Variants in XCR1 observed in about 807,000 individuals in gnomAD.
XCR1 encodes the protein X-C motif chemokine receptor 1.
For synonymous variants in XCR1, 187 were observed against 188.5 expected, an observed-to-expected ratio of 0.99 and a Z score of 0.06; for missense variants, 356 against 424.2, an observed-to-expected ratio of 0.84 and a Z score of 1.41.
chr3:46,050,306 A>G (rs1382331406), intron 5 of XCR1, among the ~76,000 whole-genome samples: 1 of 152,236 alleles, frequency 6.6e-6, no homozygotes, highest in African/African-American at 2.4e-5. Flanking sequence ...GGTAGCAGCA[A>G]TACTTAACAT....
chr3:46,048,549 C>T (rs1241976128), intron 5 of XCR1, among the ~76,000 whole-genome samples: 1 of 152,046 alleles, frequency 6.6e-6, no homozygotes, highest in Non-Finnish European at 1.5e-5. Flanking sequence ...CCATGGTTGG[C>T]CACCCTGGGT....
intron 5 of XCR1, among the ~76,000 whole-genome samples, chr3:46,051,430 A>T (rs924310094): frequency 2.6e-5 from 4 of 152,208 alleles, no homozygotes; most frequent in Non-Finnish European, 4.4e-5. Context: ...TCTTGCTCCC[A>T]CTAAGGACGT....
At chr3:46,045,361 A>G (rs1697606216) in intron 5 of XCR1, among the ~76,000 whole-genome samples, 1 of 152,090 alleles carries the variant, frequency 6.6e-6, no homozygotes, top group African/African-American at 2.4e-5. Flanking sequence ...GTGAGCCGAG[A>G]TCGCGCCAGA....
At chr3:46,040,788 T>A (rs1027965366) in intron 5 of XCR1, among the ~76,000 whole-genome samples, 58 of 151,940 alleles carry the variant, frequency 3.8e-4, no homozygotes, top group Non-Finnish European at 8.8e-5. Context: ...GAAGAGTTCA[T>A]GAAAAGGACT....
chr3:46,054,764 G>T (rs1697821902), intron 4 of XCR1, among the ~76,000 whole-genome samples: 1 of 152,122 alleles, frequency 6.6e-6, no homozygotes, highest in Non-Finnish European at 1.5e-5. Context: ...GGAAAGAAAT[G>T]TAACAATGTG....
chr3:46,050,089 G>A (rs190778536), intron 5 of XCR1, among the ~76,000 whole-genome samples: 2 of 152,340 alleles, frequency 1.3e-5, no homozygotes, highest in Admixed American at 1.3e-4. Context: ...ACTTGTCTAT[G>A]AACTGGCCCA....
rs1000118251 is a variant in XCR1, at chr3:46,017,731, T to G, written c.*3215A>C. 1.3e-5 allele frequency: 2 copies of G among 152,266 alleles called. No individual in the cohort carries two copies. The highest frequency in any genetic ancestry group is 2.9e-5 in the Non-Finnish European group (2 of 68,096). 9.4% of individuals were successfully genotyped at this position (152,266 alleles called of 1,614,324 possible). On this transcript the variant is annotated 3_prime_UTR_variant, in exon 2 of 2. Transcript: ENST00000309285. ...CTTCTGGATTCTGTCTGAGGGAAACTGGAGGTGTAAATGCTGTAGAACCAC... is the reference window on the plus strand; with the variant it reads ...CTTCTGGATTCTGTCTGAGGGAAACGGGAGGTGTAAATGCTGTAGAACCAC...
intron 4 of XCR1, among the ~76,000 whole-genome samples, chr3:46,059,035 C>T (rs760039754): frequency 1.3e-5 from 2 of 152,184 alleles, no homozygotes; most frequent in African/African-American, 2.4e-5. Context: ...GTCTGACCCA[C>T]TAAATCCTAA....
rs1288168401 is a variant in XCR1, at chr3:46,019,293, T to C, written c.*1653A>G. On this transcript the variant is annotated 3_prime_UTR_variant, in exon 2 of 2. Transcript: ENST00000309285. The stretch of plus-strand genomic sequence containing the variant: ...CATGGCTCCCCAAGAAGCATAAATC[T>C]GAAGGATAATAACAGCTGTTGATTC... The C allele has an allele frequency of 6.6e-6, 1 of 152,208 alleles. No homozygotes were observed. Among genetic ancestry groups the C allele is most frequent in the Non-Finnish European group, 1.5e-5 (1 of 68,050 alleles). The allele number at this position is 152,208 out of a possible 1,614,324, so 9.4% of individuals were successfully genotyped here. A position where few individuals can be genotyped will look rare whatever the true frequency, so the allele number is the denominator to read the frequency against.
At chr3:46,032,198 A>G (rs1167525353), upstream of XCR1, among the ~76,000 whole-genome samples, 1 of 152,220 alleles carries the variant, frequency 6.6e-6, no homozygotes, top group Non-Finnish European at 1.5e-5. Context: ...CGAAGAGGAG[A>G]GAAAAGCTGT....
chr3:46,049,484 T>C (rs1697699350), intron 5 of XCR1, among the ~76,000 whole-genome samples: 1 of 152,214 alleles, frequency 6.6e-6, no homozygotes, highest in African/African-American at 2.4e-5. Context: ...AGCGAATAAC[T>C]TGTTGAAGTC....
chr3:46,075,094 C>G (rs1176066768), intron 2 of XCR1, among the ~76,000 whole-genome samples: 3 of 151,904 alleles, frequency 2.0e-5, no homozygotes, highest in Non-Finnish European at 4.4e-5. Context: ...AAGAATCACT[C>G]TACCCAATTT....
At chr3:46,022,273 C>G in intron 1 of XCR1, 1 of 228,702 alleles carries the variant, frequency 4.4e-6, no homozygotes, top group Non-Finnish European at 8.5e-6. Context: ...CCACTGCACT[C>G]CAACCTAGGT....
At chr3:46,040,127 C>A (rs56071453) in intron 5 of XCR1, among the ~76,000 whole-genome samples, 15,436 of 151,976 alleles carry the variant, frequency 0.1, 2,650 homozygotes, top group African/African-American at 0.35. Flanking sequence ...TGAGTAAAAC[C>A]ACAGAAGAAC....
At chr3:46,040,275 G>A (rs1169561073) in intron 5 of XCR1, among the ~76,000 whole-genome samples, 1 of 152,050 alleles carries the variant, frequency 6.6e-6, no homozygotes, top group Admixed American at 6.6e-5. Flanking sequence ...TTATTTTATA[G>A]TAATTTGTGA....
intron 1 of XCR1, among the ~76,000 whole-genome samples, chr3:46,079,570 T>G (rs997396562): frequency 2.0e-5 from 3 of 152,174 alleles, no homozygotes; most frequent in African/African-American, 7.2e-5. Context: ...TCCCCTGTCC[T>G]GCCCTTCCTT....
chr3:46,083,129 T>C (rs1193554816), intron 1 of XCR1, among the ~76,000 whole-genome samples: 1 of 152,204 alleles, frequency 6.6e-6, no homozygotes, highest in Non-Finnish European at 1.5e-5. Flanking sequence ...TACTCACTAA[T>C]GACAGTACTA....
intron 5 of XCR1, among the ~76,000 whole-genome samples, chr3:46,034,156 T>C (rs1214236729): frequency 6.6e-6 from 1 of 152,028 alleles, no homozygotes; most frequent in African/African-American, 2.4e-5. Flanking sequence ...GTATTTTTAG[T>C]AGACGGGGTT....
chr3:46,024,952 GA>G (rs1223623553), intron 1 of XCR1, among the ~76,000 whole-genome samples: 1 of 152,046 alleles, frequency 6.6e-6, no homozygotes, highest in Non-Finnish European at 1.5e-5. Context: ...AGTCAAAGAA[GA>G]AATCAAAAGG....
Sources: allele counts gnomAD v4.1 joint callset (sites outside exome capture counted in the v4.1 genomes callset), GRCh38; gene constraint gnomAD v4.1.1; transcripts MANE v1.5; gene names NCBI Gene and HGNC (gene_info 2026-07-23, HGNC 2026-07-21).